CACHD1: variants seen among roughly 807,000 people sequenced by gnomAD.
CACHD1 encodes the protein VWFA and cache domain-containing protein 1.
Under a neutral mutation model 138.7 loss-of-function variants are expected in CACHD1, and 71 were observed. The ratio of observed to expected loss-of-function variants is 0.51; its 90% CI spans 0.42 to 0.62. CACHD1 has a LOEUF of 0.62. CACHD1 is among the 20% of genes least tolerant of loss of function. The pLI is 0.00. For missense variants in CACHD1, 1,389 were observed against 1,625.3 expected (o/e 0.85, Z 2.50); for synonymous variants, 578 against 591.5 (o/e 0.98, Z 0.33).
Position 64,652,291 on chromosome 1 carries a change from T to G in CACHD1, c.1521T>G (p.Thr507=). The part of the protein sequence containing the change: ...TYYQDSLASY[T]FLIDDKGYTL... ...ACCAAGACTCTTTGGCTTCCTATAC[T>G]TTTCTCATAGACGACAAAGGTAATC... is the stretch of plus-strand genomic sequence containing the variant. The change falls in exon 10 of 27, where the codon ACT becomes ACG. Residue 507 remains threonine, a synonymous_variant. Transcript: ENST00000651257. The G allele has an allele frequency of 6.2e-7, 1 of 1,608,568 alleles. No individual in the cohort carries two copies. The highest frequency in any genetic ancestry group is 8.5e-7 in the Non-Finnish European group (1 of 1,178,534).
intron 19 of CACHD1, among the ~76,000 whole-genome samples, chr1:64,675,197 A>G (rs1649943671): frequency 6.6e-6 from 1 of 152,194 alleles, no homozygotes; most frequent in Non-Finnish European, 1.5e-5. Context: ...ACAGCTGTTC[A>G]ATGGGAGATA....
intron 9 of CACHD1, among the ~76,000 whole-genome samples, chr1:64,650,310 G>T (rs527301633): frequency 6.6e-6 from 1 of 152,090 alleles, no homozygotes; most frequent in South Asian, 2.1e-4. Context: ...TATGAAAATG[G>T]CTTTAATCCT....
At chr1:64,566,479 T>TCCCCC (rs34760107) in intron 2 of CACHD1, among the ~76,000 whole-genome samples, 3,481 of 119,958 alleles carry the variant, frequency 0.029, 588 homozygotes, top group East Asian at 0.043. Flanking sequence ...TGTTTTCAAT[T>TCCCCC]CCCCCCCCCC....
intron 13 of CACHD1, among the ~76,000 whole-genome samples, chr1:64,660,316 TAC>T (rs1649399514): frequency 6.6e-6 from 1 of 152,168 alleles, no homozygotes; most frequent in South Asian, 2.1e-4. Flanking sequence ...CTCCCATAGC[TAC>T]AGTTTCCAAT....
intron 3 of CACHD1, among the ~76,000 whole-genome samples, chr1:64,597,537 T>G (rs1014744881): frequency 2.8e-4 from 40 of 141,794 alleles, no homozygotes; most frequent in African/African-American, 5.6e-4. Flanking sequence ...TTTTTTTTTT[T>G]TTTTTTTTTT....
At chr1:64,582,383 CTG>C in intron 3 of CACHD1, 79 bp downstream of exon 3, 1 of 1,288,472 alleles carries the variant, frequency 7.8e-7, no homozygotes, top group Admixed American at 1.9e-5. Context: ...TTCAAAATAC[CTG>C]TGTTTATTTA....
chr1:64,684,869 G>A (rs573464646), intron 26 of CACHD1, among the ~76,000 whole-genome samples: 33 of 152,268 alleles, frequency 2.2e-4, no homozygotes, highest in African/African-American at 7.7e-4. Context: ...GAGTGCAATG[G>A]TGCGATCTCG....
At chr1:64,502,324 G>A (rs1646344926) in intron 1 of CACHD1, among the ~76,000 whole-genome samples, 1 of 152,148 alleles carries the variant, frequency 6.6e-6, no homozygotes, top group African/African-American at 2.4e-5. Context: ...CAGTTATTTA[G>A]ACAGAGCTGA....
chr1:64,645,389 T>C (rs142370754), intron 8 of CACHD1, among the ~76,000 whole-genome samples: 41 of 152,284 alleles, frequency 2.7e-4, no homozygotes, highest in Non-Finnish European at 5.1e-4. Context: ...ATACCTCGAT[T>C]ACTCTGCTGT....
intron 2 of CACHD1, among the ~76,000 whole-genome samples, chr1:64,566,101 T>G (rs1646878526): frequency 6.6e-6 from 1 of 152,188 alleles, no homozygotes. Flanking sequence ...TAATTGCATC[T>G]CTCTTTAGTT....
intron 10 of CACHD1, among the ~76,000 whole-genome samples, chr1:64,653,124 A>G (rs1336816062): frequency 1.3e-5 from 2 of 152,164 alleles, no homozygotes; most frequent in Non-Finnish European, 2.9e-5. Context: ...ATCCTTAGCA[A>G]ACTAACTCAG....
intron 21 of CACHD1, 151 bp from the exon 22 acceptor site, chr1:64,676,744 A>G: frequency 1.6e-6 from 1 of 613,712 alleles, no homozygotes; most frequent in South Asian, 2.2e-5. Context: ...ATTGAAGCTC[A>G]GAGTTGTTAA....
chr1:64,536,710 A>G (rs1646635282), intron 1 of CACHD1, among the ~76,000 whole-genome samples: 1 of 152,196 alleles, frequency 6.6e-6, no homozygotes, highest in Non-Finnish European at 1.5e-5. Context: ...TTAGTCATTA[A>G]ACATTTACTG....
intron 3 of CACHD1, among the ~76,000 whole-genome samples, chr1:64,595,481 G>A (rs1305211335): frequency 6.6e-6 from 1 of 152,124 alleles, no homozygotes; most frequent in East Asian, 1.9e-4. Context: ...TCAAGTGGCA[G>A]GATGGACAGG....
At chr1:64,599,215 G>A (rs1647189994) in intron 3 of CACHD1, among the ~76,000 whole-genome samples, 1 of 151,924 alleles carries the variant, frequency 6.6e-6, no homozygotes, top group African/African-American at 2.4e-5. Context: ...TAGTCCAAAT[G>A]GACGAAGACA....
rs11208458 is a variant in CACHD1, at chr1:64,489,289, A to G, written c.198+18347A>G. Among the ~76,000 whole-genome samples the G allele has an allele frequency of 3.1e-3, 467 of 152,108 alleles. 4 individuals are homozygous for G. The highest frequency in any genetic ancestry group is 9.9e-3 in the African/African-American group (411 of 41,476). ...GCCCTGAGACTTTTTCCATTTTCCA[A>G]TCTCCCAGGAATGCTTACCTTTGTG... On this transcript the variant is annotated intron_variant, in intron 1 of 26. Transcript: ENST00000651257.
intron 1 of CACHD1, among the ~76,000 whole-genome samples, chr1:64,529,622 A>G (rs1267151724): frequency 6.6e-6 from 1 of 152,224 alleles, no homozygotes; most frequent in Non-Finnish European, 1.5e-5. Flanking sequence ...GAATTATCTT[A>G]TTAACACAAC....
At chr1:64,620,775 A>G (rs539195648) in intron 4 of CACHD1, among the ~76,000 whole-genome samples, 1 of 152,322 alleles carries the variant, frequency 6.6e-6, no homozygotes, top group African/African-American at 2.4e-5. Flanking sequence ...AATATTTTGG[A>G]AACTATTTTT....
intron 1 of CACHD1, among the ~76,000 whole-genome samples, chr1:64,524,239 A>G (rs960323400): frequency 6.6e-6 from 1 of 152,228 alleles, no homozygotes; most frequent in Admixed American, 6.5e-5. Flanking sequence ...CTTTAGATAA[A>G]AGGAGGAGCA....
Sources: allele counts gnomAD v4.1 joint callset (sites outside exome capture counted in the v4.1 genomes callset), GRCh38; gene constraint gnomAD v4.1.1; transcripts MANE v1.5; gene names NCBI Gene and HGNC (gene_info 2026-07-23, HGNC 2026-07-21).